Variants in NAPA observed in about 807,000 individuals in gnomAD.
The protein encoded by NAPA is NSF attachment protein alpha, also known as alpha-soluble NSF attachment protein.
In NAPA, 18 loss-of-function variants were observed where a neutral mutation model predicts 48.0. The ratio of observed to expected loss-of-function variants is 0.38; its 90% CI spans 0.26 to 0.56. NAPA has a LOEUF of 0.56. Ranked by LOEUF, NAPA falls within the 20% of genes least tolerant of loss-of-function variation. The pLI is 0.77. For missense variants in NAPA, 315 were observed against 385.0 expected (o/e 0.82, Z 1.52); for synonymous variants, 152 against 149.9 (o/e 1.01, Z -0.10).
chr19:47,490,058 G>GCTTGCTCTC, intron 9 of NAPA, among the ~76,000 whole-genome samples: 1 of 149,090 alleles, frequency 6.7e-6, no homozygotes, highest in African/African-American at 2.5e-5. Flanking sequence ...GTGTGTGGTG[G>GCTTGCTCTC]AGGTGTGTGT....
intron 2 of NAPA, 47 bp from the exon 3 acceptor site, chr19:47,500,796 C>CT: frequency 7.0e-7 from 1 of 1,420,820 alleles, no homozygotes; most frequent in African/African-American, 1.4e-5. Flanking sequence ...GGGCTCCACA[C>CT]TTTATGAAGC....
intron 9 of NAPA, 99 bp downstream of exon 9, chr19:47,490,689 G>A (rs1369776675): frequency 1.8e-5 from 17 of 955,602 alleles, no homozygotes; most frequent in Non-Finnish European, 2.4e-5. Flanking sequence ...GACACCCTCT[G>A]AGAACTACTG....
intron 9 of NAPA, among the ~76,000 whole-genome samples, chr19:47,490,405 G>A (rs1968220069): frequency 6.8e-6 from 1 of 147,846 alleles, no homozygotes; most frequent in South Asian, 2.2e-4. Flanking sequence ...GGTGGTGTGT[G>A]TGTAGCGTGT....
intron 2 of NAPA, among the ~76,000 whole-genome samples, 172 bp from the exon 3 acceptor site, chr19:47,500,921 C>G (rs1180009577): frequency 6.6e-6 from 1 of 152,146 alleles, no homozygotes; most frequent in Non-Finnish European, 1.5e-5. Context: ...ACTCAGGTCT[C>G]CTGGCTCCTG....
chr19:47,508,599 C>T (rs986163411), intron 1 of NAPA, among the ~76,000 whole-genome samples: 1 of 151,918 alleles, frequency 6.6e-6, no homozygotes, highest in Non-Finnish European at 1.5e-5. Context: ...TTTGGGGTGG[C>T]GAGACCTGGG....
rs755916182 is a variant in NAPA at position 47,488,299 on chromosome 19, C to G, written c.877G>C (p.Asp293His). Residue 293 changes from aspartate (D) to histidine (H), a missense_variant, in exon 11 of 11, where the codon GAC becomes CAC. Transcript: ENST00000263354. ...GGGCTGGGTGGGGCTTAGCGCAGGT[C>G]CTCCTCATCGCCCTGGATGGTCTTC... ...IKKTIQGDEE[D>H]LR 3 of 1,612,938 alleles carry G rather than the reference C, an allele frequency of 1.9e-6. No homozygotes were observed. The Admixed American group carries it at 5.0e-5, about 27-fold the overall frequency.
At chr19:47,498,797 T>G (rs1968497669) in intron 3 of NAPA, among the ~76,000 whole-genome samples, 1 of 152,016 alleles carries the variant, frequency 6.6e-6, no homozygotes, top group Non-Finnish European at 1.5e-5. Context: ...CCACTGGGAG[T>G]CATGGCTGGC....
Position 47,492,975 on chromosome 19 carries a change from C to T in NAPA, c.547G>A (p.Asp183Asn). 2 of 1,614,152 alleles carry T rather than the reference C, an allele frequency of 1.2e-6. No individual in the cohort carries two copies. The highest frequency in any genetic ancestry group is 1.7e-6 in the Non-Finnish European group (2 of 1,180,016). The stretch of plus-strand genomic sequence containing the variant: ...CCTGTCCCCACCTGTTCGTAGATGT[C>T]AATGGCCTTCTGATACTGCTCCAGC... Reference protein sequence around the residue: ...ALLEQYQKAIDIYEQVGTNAM... With the variant: ...ALLEQYQKAINIYEQVGTNAM... The change falls in exon 7 of 11, where the codon GAC becomes AAC. Residue 183 changes from aspartate to asparagine, a missense_variant. Physicochemically the swap from Asp to Asn is conservative, Grantham distance 23. Around this residue, in one of 3 missense-constraint regions of NAPA, gnomAD observed 137 missense variants for 150.1 expected, o/e 0.91. Transcript: ENST00000263354.
At chr19:47,489,904 T>G in intron 9 of NAPA, 143 bp from the exon 10 acceptor site, 3 of 787,356 alleles carry the variant, frequency 3.8e-6, no homozygotes, top group Non-Finnish European at 6.4e-6. Flanking sequence ...CCGTGTGGGT[T>G]AAACTGGGGA....
chr19:47,511,438 T>C (rs796664749), intron 1 of NAPA, among the ~76,000 whole-genome samples: 14 of 152,292 alleles, frequency 9.2e-5, no homozygotes, highest in African/African-American at 3.4e-4. Flanking sequence ...CTCTGGGAGC[T>C]GGAAGGAACT....
chr19:47,489,631 G>A, intron 10 of NAPA, 80 bp downstream of exon 10: 1 of 1,481,284 alleles, frequency 6.8e-7, no homozygotes, highest in South Asian at 1.2e-5. Context: ...GAATGTCATG[G>A]AGAGCGTGTC....
At chr19:47,504,848 A>C (rs1471437965) in intron 1 of NAPA, among the ~76,000 whole-genome samples, 1 of 152,168 alleles carries the variant, frequency 6.6e-6, no homozygotes, top group Non-Finnish European at 1.5e-5. Flanking sequence ...GAAAAGTTAC[A>C]AGGATGTTCA....
Position 47,514,817 on chromosome 19 carries a change from G to A in NAPA, c.98+26C>T, listed in dbSNP as rs202203684. ...CCTTCGTCCTCTCAGCCTAGGTCCC[G>A]GCCGACCCCTCAGCCCGGTTCTCAC... On this transcript the variant is annotated intron_variant, in intron 1 of 10. Coordinates refer to ENST00000263354, the MANE Select transcript of NAPA (RefSeq NM_003827.4). 414 of 1,606,680 alleles carry A rather than the reference G, an allele frequency of 2.6e-4. 2 individuals carry two copies. The African/African-American group carries it at 4.9e-3, about 19-fold the overall frequency.
At chr19:47,488,433 C>G (rs1453506072) in intron 10 of NAPA, 44 bp from the exon 11 acceptor site, 1 of 1,511,640 alleles carries the variant, frequency 6.6e-7, no homozygotes, top group Non-Finnish European at 9.2e-7. Context: ...TCCCCCCGTT[C>G]CCAACCCTGC....
chr19:47,500,332 G>A (rs963332006), intron 3 of NAPA, among the ~76,000 whole-genome samples: 10 of 152,202 alleles, frequency 6.6e-5, no homozygotes, highest in Admixed American at 6.5e-5. Context: ...GGCAGGCGGT[G>A]GGTCTGCAAT....
intron 10 of NAPA, chr19:47,489,414 C>T: frequency 2.2e-6 from 1 of 462,676 alleles, no homozygotes; most frequent in Middle Eastern, 6.1e-4. Flanking sequence ...TCAAGGAACC[C>T]TGGTCTTCAG....
At chr19:47,510,350 C>T (rs749067919) in intron 1 of NAPA, among the ~76,000 whole-genome samples, 1 of 152,228 alleles carries the variant, frequency 6.6e-6, no homozygotes, top group Non-Finnish European at 1.5e-5. Flanking sequence ...CTTAGGAATG[C>T]ACTGTTTGTA....
intron 10 of NAPA, chr19:47,489,342 C>T (rs1350040923): frequency 1.9e-5 from 5 of 267,748 alleles, no homozygotes; most frequent in Non-Finnish European, 1.5e-5. Flanking sequence ...CTTCCCTCCC[C>T]GTCTGTGCCT....
At chr19:47,501,523 C>G (rs1968575840) in intron 2 of NAPA, 1 of 152,268 alleles carries the variant, frequency 6.6e-6, no homozygotes, top group Non-Finnish European at 1.5e-5. Context: ...CAACACAGAG[C>G]CGGCTCCCTC....
Sources: allele counts gnomAD v4.1 joint callset (sites outside exome capture counted in the v4.1 genomes callset), GRCh38; gene constraint gnomAD v4.1.1; regional missense constraint gnomAD v4.1.1; transcripts MANE v1.5; gene names NCBI Gene and HGNC (gene_info 2026-07-23, HGNC 2026-07-21).